EYS: variants seen among roughly 807,000 people sequenced by gnomAD.
EYS encodes EGF-like photoreceptor maintenance factor.
In EYS, 250 loss-of-function variants were observed where a neutral mutation model predicts 282.1. The ratio of observed to expected loss-of-function variants is 0.89; its 90% CI spans 0.80 to 0.98. The LOEUF (loss-of-function observed/expected upper bound fraction) is 0.98, where lower values mean the gene tolerates loss of function less well. EYS is among the 50% of genes least tolerant of loss of function. The pLI is 0.00. For synonymous variants in EYS, 1,355 were observed against 1,282.9 expected (o/e 1.06, Z -1.20); for missense variants, 4,016 against 3,709.0 (o/e 1.08, Z -2.15).
rs530019495 is a variant in EYS at position 65,514,203 on chromosome 6, A to G, written c.-332-18210T>C. ...TCCCATTCACAATTGCTTCAAAGAG[A>G]ATAAAATACCTAGGAATCCAACTTA... is the stretch of plus-strand genomic sequence containing the variant. On this transcript the variant is annotated intron_variant, in intron 2 of 42. Transcript: ENST00000503581. 2.0e-3 allele frequency among the ~76,000 whole-genome samples: 311 copies of G among 152,170 alleles called. 1 individual carries two copies. Among genetic ancestry groups the G allele is most frequent in the Non-Finnish European group, 2.1e-3 (143 of 68,012 alleles).
chr6:65,403,440 T>C (rs1766594934), intron 6 of EYS, among the ~76,000 whole-genome samples: 1 of 152,010 alleles, frequency 6.6e-6, no homozygotes, highest in Non-Finnish European at 1.5e-5. Context: ...TTCATTATCA[T>C]ATTTATCTGA....
intron 7 of EYS, among the ~76,000 whole-genome samples, chr6:65,388,131 C>A (rs1343338939): frequency 6.6e-6 from 1 of 151,972 alleles, no homozygotes; most frequent in Non-Finnish European, 1.5e-5. Context: ...AACAAGGTCA[C>A]TGCCTGGATT....
chr6:63,921,378 C>A (rs1184427920), intron 35 of EYS, among the ~76,000 whole-genome samples: 1 of 152,178 alleles, frequency 6.6e-6, no homozygotes, highest in Non-Finnish European at 1.5e-5. Context: ...TCTTTCTACT[C>A]CCCGTTCTAC....
At chr6:64,425,727 T>C (rs1321521264) in intron 28 of EYS, among the ~76,000 whole-genome samples, 2 of 143,382 alleles carry the variant, frequency 1.4e-5, no homozygotes, top group South Asian at 2.2e-4. Context: ...AAAAAATAAG[T>C]AGATGTAAGA....
At chr6:64,783,760 C>T (rs1773933819) in intron 22 of EYS, among the ~76,000 whole-genome samples, 1 of 152,078 alleles carries the variant, frequency 6.6e-6, no homozygotes, top group African/African-American at 2.4e-5. Flanking sequence ...AACTTGAAGA[C>T]TGTCAGCAAA....
chr6:65,092,104 A>G (rs1057289156), intron 12 of EYS, among the ~76,000 whole-genome samples: 3 of 152,132 alleles, frequency 2.0e-5, no homozygotes, highest in African/African-American at 7.2e-5. Flanking sequence ...AAGAAGATGT[A>G]CATTAGAATA....
At chr6:65,267,984 A>C (rs1006701197) in intron 12 of EYS, among the ~76,000 whole-genome samples, 3 of 151,592 alleles carry the variant, frequency 2.0e-5, no homozygotes, top group South Asian at 4.1e-4. Context: ...CACACACACA[A>C]AAGCATATAA....
chr6:64,312,248 T>G (rs1487293664), intron 29 of EYS, among the ~76,000 whole-genome samples: 1 of 151,930 alleles, frequency 6.6e-6, no homozygotes, highest in Non-Finnish European at 1.5e-5. Context: ...CCTCACAGTG[T>G]AAACAAAGCC....
chr6:65,549,047 G>A (rs1182235471), intron 2 of EYS, among the ~76,000 whole-genome samples: 2 of 152,076 alleles, frequency 1.3e-5, no homozygotes, highest in East Asian at 1.9e-4. Context: ...CACCAGTGAG[G>A]CTCTAATGCG....
chr6:65,702,975 T>A (rs950389750), intron 1 of EYS, among the ~76,000 whole-genome samples: 1 of 152,122 alleles, frequency 6.6e-6, no homozygotes, highest in African/African-American at 2.4e-5. Flanking sequence ...CCTTCCACAA[T>A]GTGAGTGAGC....
chr6:64,428,279 T>C (rs1774472100), intron 28 of EYS, among the ~76,000 whole-genome samples: 1 of 152,144 alleles, frequency 6.6e-6, no homozygotes, highest in Non-Finnish European at 1.5e-5. Flanking sequence ...TTCATCTCTG[T>C]TTTCTTATAT....
At chr6:64,997,236 A>G (rs1382959178) in intron 14 of EYS, among the ~76,000 whole-genome samples, 1 of 152,180 alleles carries the variant, frequency 6.6e-6, no homozygotes, top group Non-Finnish European at 1.5e-5. Context: ...TAATACCATG[A>G]GTTAGATAAA....
At chr6:65,234,144 C>A (rs542698349) in intron 12 of EYS, among the ~76,000 whole-genome samples, 12 of 152,028 alleles carry the variant, frequency 7.9e-5, no homozygotes, top group Non-Finnish European at 1.5e-4. Context: ...CTTTTTGTAC[C>A]AAGTAAACCC....
chr6:64,792,961 A>T, intron 22 of EYS, among the ~76,000 whole-genome samples: 1 of 151,382 alleles, frequency 6.6e-6, no homozygotes, highest in East Asian at 1.9e-4. Flanking sequence ...TTCCAAATAT[A>T]AAACATATAT....
At chr6:64,395,304 A>G (rs1008256882) in intron 28 of EYS, among the ~76,000 whole-genome samples, 6 of 152,162 alleles carry the variant, frequency 3.9e-5, no homozygotes, top group Non-Finnish European at 8.8e-5. Flanking sequence ...AGGACTCTAA[A>G]TCATGCTGCT....
In EYS at chr6:65,495,855, T is replaced by TGA; in HGVS notation, c.-198+3_-198+4insTC. 1 of 175,172 alleles carries TGA rather than the reference T, an allele frequency of 5.7e-6. No homozygotes were observed. The highest frequency in any genetic ancestry group is 1.3e-4 in the South Asian group (1 of 7,840). 10.9% of individuals were successfully genotyped at this position (175,172 alleles called of 1,614,324 possible). A position where few individuals can be genotyped will look rare whatever the true frequency, so the allele number is the denominator to read the frequency against. On this transcript the variant is annotated splice_donor_region_variant and intron_variant, in intron 3 of 42. Coordinates refer to ENST00000503581, the MANE Select transcript of EYS (RefSeq NM_001142800.2). The stretch of plus-strand genomic sequence containing the variant: ...TTCATGACATAATTAAGCCAGCAAC[T>TGA]TACTGCGGTCTTTTGTGTTTTCTCT...
chr6:64,042,179 T>G (rs1056885270), intron 33 of EYS, among the ~76,000 whole-genome samples: 1 of 152,246 alleles, frequency 6.6e-6, no homozygotes, highest in African/African-American at 2.4e-5. Flanking sequence ...TGGTTAGTGA[T>G]GGACTGGACT....
chr6:64,074,720 A>C (rs1771705898), intron 32 of EYS, among the ~76,000 whole-genome samples: 1 of 151,902 alleles, frequency 6.6e-6, no homozygotes, highest in African/African-American at 2.4e-5. Context: ...AGGTACCTAG[A>C]TTATTAAATC....
At chr6:65,033,731 C>T (rs1466040057) in intron 13 of EYS, among the ~76,000 whole-genome samples, 1 of 152,154 alleles carries the variant, frequency 6.6e-6, no homozygotes, top group African/African-American at 2.4e-5. Flanking sequence ...GCAGAACCCT[C>T]ACAGAGAATC....
Sources: allele counts gnomAD v4.1 joint callset (sites outside exome capture counted in the v4.1 genomes callset), GRCh38; gene constraint gnomAD v4.1.1; transcripts MANE v1.5; gene names NCBI Gene and HGNC (gene_info 2026-07-23, HGNC 2026-07-21).